Variants in AFM observed in about 807,000 individuals in gnomAD.
The protein encoded by AFM is afamin.
A neutral mutation model predicts 68.7 loss-of-function variants in AFM; 82 were observed. The ratio of observed to expected loss-of-function variants is 1.19; its 90% CI spans 1.00 to 1.43. The LOEUF is 1.43. Ranked by LOEUF, AFM falls within the 40% of genes most tolerant of loss-of-function variation. The pLI, the probability that AFM is intolerant of heterozygous loss-of-function variation, is 0.00. For missense variants in AFM, 772 were observed against 701.8 expected (o/e 1.10, Z -1.13); for synonymous variants, 250 against 234.2 (o/e 1.07, Z -0.61).
chr4:73,487,283 T>C (rs371029249), intron 5 of AFM, among the ~76,000 whole-genome samples, 184 bp downstream of exon 5: 2 of 152,350 alleles, frequency 1.3e-5, no homozygotes, highest in East Asian at 1.9e-4. Flanking sequence ...TTGAGACTCT[T>C]GAATGACAGC....
chr4:73,498,382 C>A (rs1721318036), intron 10 of AFM, among the ~76,000 whole-genome samples: 1 of 152,104 alleles, frequency 6.6e-6, no homozygotes. Context: ...GCCTCACAGG[C>A]TCCAGTGATC....
At chr4:73,492,792 CAA>C (rs771473722) in intron 8 of AFM, among the ~76,000 whole-genome samples, 1,235 of 70,346 alleles carry the variant, frequency 0.018, 13 homozygotes, top group African/African-American at 0.045. Context: ...GAGACTGTCT[CAA>C]AAAAAAAAAA....
intron 9 of AFM, among the ~76,000 whole-genome samples, chr4:73,496,638 A>G (rs1309922756): frequency 6.6e-6 from 1 of 152,200 alleles, no homozygotes; most frequent in Admixed American, 6.5e-5. Context: ...TATGTAAATA[A>G]CAGTGTTTGT....
intron 7 of AFM, 106 bp downstream of exon 7, chr4:73,488,865 A>T: frequency 9.2e-7 from 1 of 1,084,894 alleles, no homozygotes; most frequent in East Asian, 2.6e-5. Flanking sequence ...ATGAAATCAG[A>T]ATGTGATTTA....
chr4:73,503,184 T>G, intron 14 of AFM, 74 bp downstream of exon 14: 1 of 1,149,500 alleles, frequency 8.7e-7, no homozygotes, highest in Non-Finnish European at 1.3e-6. Flanking sequence ...TTCTCCCTCA[T>G]GCTTCTTTGT....
At chr4:73,489,290 T>C (rs1721002344) in intron 7 of AFM, among the ~76,000 whole-genome samples, 1 of 152,092 alleles carries the variant, frequency 6.6e-6, no homozygotes, top group African/African-American at 2.4e-5. Context: ...CCCTTTTCCC[T>C]TTCATTTCTT....
intron 11 of AFM, 82 bp from the exon 12 acceptor site, chr4:73,499,922 C>G: frequency 1.8e-6 from 2 of 1,141,932 alleles, no homozygotes; most frequent in Non-Finnish European, 2.6e-6. Flanking sequence ...TTAGAAAGAT[C>G]TAAGTATTCA....
At chr4:73,499,269 A>G in intron 11 of AFM, 23 bp downstream of exon 11, 1 of 1,492,498 alleles carries the variant, frequency 6.7e-7, no homozygotes, top group Non-Finnish European at 8.9e-7. Context: ...TGTGTACCAG[A>G]CTACTCTTTT....
At chr4:73,483,286 C>T (rs1720765598) in intron 1 of AFM, among the ~76,000 whole-genome samples, 1 of 152,144 alleles carries the variant, frequency 6.6e-6, no homozygotes, top group Admixed American at 6.6e-5. Context: ...ATTATTGTCA[C>T]ATGCACGAGT....
At position 73,500,157 on chromosome 4, in the gene AFM, C is replaced by G. The variant is rs746265593; in HGVS notation, c.1576C>G (p.Gln526Glu). 2.3e-5 allele frequency: 37 copies of G among 1,613,926 alleles called. No individual in the cohort carries two copies. In the South Asian group the frequency reaches 4.0e-4, roughly 17 times the overall value. ...AACATATGTGCCTCCACCTTTCTCT[C>G]AAGATTTATTTACCTTTCACGCAGA... ...DKTYVPPPFS[Q>E]DLFTFHADMC... Residue 526 changes from glutamine (Q) to glutamate (E), a missense_variant, in exon 12 of 15, where the codon CAA becomes GAA. By Grantham distance (29) the Gln-to-Glu change is conservative. Transcript: ENST00000226355.
intron 9 of AFM, among the ~76,000 whole-genome samples, chr4:73,496,604 T>C (rs1721264027): frequency 6.6e-6 from 1 of 152,196 alleles, no homozygotes; most frequent in South Asian, 2.1e-4. Context: ...ACATTGCACA[T>C]GGAAATTAAC....
chr4:73,487,818 T>G lies in AFM; in HGVS notation c.710T>G (p.Phe237Cys). 6.3e-7 allele frequency: 1 copy of G among 1,585,580 alleles called. No individual in the cohort carries two copies. The highest frequency in any genetic ancestry group is 2.2e-5 in the East Asian group (1 of 44,708). Residue 237 changes from phenylalanine to cysteine, a missense_variant, in exon 6 of 15, where the codon TTT becomes TGT. Physicochemically the swap from Phe to Cys is radical, Grantham distance 205. Coordinates refer to ENST00000226355, the MANE Select transcript of AFM (RefSeq NM_001133.2). ...AAATTTGGAACCAAAGTTGTACACT[T>G]TATGTGAGTTTTATACTATATGTCT... ...LLKFGTKVVH[F>C]IYIAILSQKF...
intron 11 of AFM, 55 bp from the exon 12 acceptor site, chr4:73,499,949 G>GA: frequency 2.1e-6 from 3 of 1,457,594 alleles, no homozygotes; most frequent in Non-Finnish European, 2.9e-6. Flanking sequence ...CATATTTTTA[G>GA]AAATTCCATT....
At chr4:73,500,280 G>A (rs951757366) in intron 12 of AFM, 53 bp downstream of exon 12, 7 of 1,445,592 alleles carry the variant, frequency 4.8e-6, no homozygotes, top group African/African-American at 1.4e-5. Context: ...GACACACCAT[G>A]TATTAGTGAG....
chr4:73,488,556 A>G (rs1199809092), intron 6 of AFM, 74 bp from the exon 7 acceptor site: 4 of 1,349,344 alleles, frequency 3.0e-6, no homozygotes, highest in South Asian at 1.4e-5. Flanking sequence ...TATTCATATC[A>G]TATTAGCAAA....
At position 73,483,950 on chromosome 4, in the gene AFM, A is replaced by G. The variant is rs200353894; in HGVS notation, c.98A>G (p.Asn33Ser). Residue 33 changes from asparagine (N) to serine (S), a missense_variant, in exon 2 of 15, where the codon AAT becomes AGT. By Grantham distance (46) the Asn-to-Ser change is conservative (BLOSUM62 1). Coordinates refer to ENST00000226355, the MANE Select transcript of AFM (RefSeq NM_001133.2). ...TATTCTTGCTTTTCAGAGAACTTCA[A>G]TAGTACTCAAAAATTTATAGAAGAT... ...PTQPRDIENF[N>S]STQKFIEDNI... 4.6e-5 allele frequency: 71 copies of G among 1,530,238 alleles called. No homozygotes were observed. The African/African-American group carries it at 8.0e-4, about 17-fold the overall frequency. The allele number at this position is 1,530,238 out of a possible 1,614,324, so 94.8% of individuals were successfully genotyped here. A position where few individuals can be genotyped will look rare whatever the true frequency, so the allele number is the denominator to read the frequency against.
Position 73,486,976 on chromosome 4 carries a change from T to A in AFM, c.492T>A (p.Tyr164Ter), listed in dbSNP as rs1720917660. ...NRESLLNHFL[Y>*]EVARRNPFVF... is the part of the protein sequence containing the mutation. ...TTTTTATTTTTTATAGCTTTTTATA[T>A]GAAGTTGCCAGAAGGAACCCATTTG... The change falls in exon 5 of 15, where the codon TAT (tyrosine) becomes TAA (stop). Residue 164 changes from tyrosine to a stop codon, truncating the protein, a stop_gained. Coordinates refer to ENST00000226355, the MANE Select transcript of AFM (RefSeq NM_001133.2). LOFTEE classifies it high-confidence loss of function. 19 of 1,612,952 alleles carry A rather than the reference T, an allele frequency of 1.2e-5. No individual in the cohort carries two copies. Among genetic ancestry groups the A allele is most frequent in the Non-Finnish European group, 1.5e-5 (18 of 1,179,512 alleles).
Position 73,499,240 on chromosome 4 carries a change from T to C in AFM, c.1416T>C (p.Asp472=). 1.2e-6 allele frequency: 2 copies of C among 1,607,266 alleles called. No homozygotes were observed. Among genetic ancestry groups the C allele is most frequent in the Non-Finnish European group, 1.7e-6 (2 of 1,176,230 alleles). The change falls in exon 11 of 15, where the codon GAT becomes GAC. Residue 472 remains aspartate (D), a synonymous_variant. Transcript: ENST00000226355. ...TAAGTGAAGAGTTTGCCTGTGTTGA[T>C]AATTTGGTGAGCATGGCCTGTGTAC... ...CTLSEEFACV[D]NLADLVFGEL...
At chr4:73,486,179 A>C in intron 4 of AFM, 106 bp downstream of exon 4, 1 of 949,910 alleles carries the variant, frequency 1.1e-6, no homozygotes, top group South Asian at 1.7e-5. Context: ...TTTATTGATT[A>C]ATTGTTTCAT....
Sources: allele counts gnomAD v4.1 joint callset (sites outside exome capture counted in the v4.1 genomes callset), GRCh38; gene constraint gnomAD v4.1.1; transcripts MANE v1.5; gene names NCBI Gene and HGNC (gene_info 2026-07-23, HGNC 2026-07-21).